FBN2: variants seen among roughly 807,000 people sequenced by gnomAD.
FBN2 encodes the protein fibrillin-2.
FBN2 carries 105 observed loss-of-function variants against 355.6 expected under a neutral mutation model. The observed-to-expected ratio is 0.30, with a 90% CI of 0.25 to 0.35. FBN2 has a LOEUF of 0.35. FBN2 is among the 10% of genes least tolerant of loss of function. The probability of loss-of-function intolerance (pLI) is 1.00; values close to 1 mark genes in which losing one functional copy is unlikely to be tolerated. For synonymous variants in FBN2, 1,350 were observed against 1,301.2 expected, an observed-to-expected ratio of 1.04 and a Z score of -0.81; for missense variants, 3,280 against 3,758.7, an observed-to-expected ratio of 0.87 and a Z score of 3.33.
chr5:128,391,033 T>A (rs895594982), intron 11 of FBN2, among the ~76,000 whole-genome samples: 2 of 152,192 alleles, frequency 1.3e-5, no homozygotes, highest in African/African-American at 4.8e-5. Context: ...TGCATCAATA[T>A]ATTTCAAATG....
chr5:128,525,710 C>A (rs1396888385), intron 4 of FBN2, among the ~76,000 whole-genome samples: 2 of 152,162 alleles, frequency 1.3e-5, no homozygotes, highest in African/African-American at 4.8e-5. Context: ...CACACCCACA[C>A]AAGGAATCTG....
chr5:128,352,495 G>A (rs1338747498), intron 20 of FBN2, among the ~76,000 whole-genome samples: 1 of 152,176 alleles, frequency 6.6e-6, no homozygotes, highest in African/African-American at 2.4e-5. Context: ...ATAATGAAAA[G>A]TTTTTCAAAT....
chr5:128,325,699 A>C (rs573666835), intron 34 of FBN2, among the ~76,000 whole-genome samples: 81 of 152,306 alleles, frequency 5.3e-4, no homozygotes, highest in African/African-American at 1.8e-3. Flanking sequence ...CTCTTCAGCA[A>C]CACCAATTAT....
chr5:128,313,722 G>A (rs9327476), intron 36 of FBN2, among the ~76,000 whole-genome samples: 11,913 of 151,396 alleles, frequency 0.079, 618 homozygotes, highest in Non-Finnish European at 0.11. Flanking sequence ...GCATGGTGGC[G>A]GGCACCTGTA....
intron 7 of FBN2, among the ~76,000 whole-genome samples, chr5:128,411,939 A>T (rs1332066210): frequency 6.6e-6 from 1 of 152,218 alleles, no homozygotes; most frequent in African/African-American, 2.4e-5. Flanking sequence ...CAGATTTGGA[A>T]GTATTATATC....
intron 34 of FBN2, among the ~76,000 whole-genome samples, chr5:128,320,299 C>T (rs1440688327): frequency 6.6e-6 from 1 of 151,798 alleles, no homozygotes; most frequent in African/African-American, 2.4e-5. Flanking sequence ...ACTGCAGCCA[C>T]AATCTCCTGG....
At chr5:128,487,450 T>C (rs1332314844) in intron 5 of FBN2, among the ~76,000 whole-genome samples, 1 of 152,218 alleles carries the variant, frequency 6.6e-6, no homozygotes, top group Non-Finnish European at 1.5e-5. Context: ...GTGAAATTTC[T>C]TACACAATCA....
intron 36 of FBN2, among the ~76,000 whole-genome samples, chr5:128,313,872 A>AAC (rs1561765843): frequency 6.6e-6 from 1 of 151,126 alleles, no homozygotes; most frequent in Non-Finnish European, 1.5e-5. Flanking sequence ...AAAAAAAAAA[A>AAC]AAAACATATC....
chr5:128,393,135 T>C lies in FBN2; in HGVS notation c.1465A>G (p.Thr489Ala). ...GTCCACAGGAAAACTGACCACTTAC[T>C]TAGTCCAGTGATGATAGGTCCCTGT... ...GGQGPIITGL[T>A]ILNQTIDICK... Residue 489 changes from threonine (T) to alanine (A), a missense_variant and splice_region_variant, in exon 10 of 65, where the codon ACA (threonine) becomes GCA (alanine). Physicochemically the swap from Thr to Ala is moderately conservative, Grantham distance 58. This residue lies in a region of FBN2 where 343 missense variants were observed against 331.0 expected (regional missense o/e 1.04). Transcript: ENST00000262464. The C allele has an allele frequency of 6.2e-7, 1 of 1,609,170 alleles. No individual in the cohort carries two copies. The highest frequency in any genetic ancestry group is 8.5e-7 in the Non-Finnish European group (1 of 1,175,444).
chr5:128,368,392 A>G (rs1202524687), intron 16 of FBN2, among the ~76,000 whole-genome samples: 1 of 149,162 alleles, frequency 6.7e-6, no homozygotes, highest in Non-Finnish European at 1.5e-5. Context: ...ATATAGAGAG[A>G]GATCTTCATA....
chr5:128,323,950 A>G (rs1488160488), intron 34 of FBN2, among the ~76,000 whole-genome samples: 2 of 152,182 alleles, frequency 1.3e-5, no homozygotes, highest in African/African-American at 4.8e-5. Flanking sequence ...GCTATTAATT[A>G]CTGGCTCAAT....
intron 48 of FBN2, among the ~76,000 whole-genome samples, chr5:128,296,272 C>T (rs1459388121): frequency 2.0e-5 from 3 of 151,734 alleles, no homozygotes; most frequent in Admixed American, 2.0e-4. Flanking sequence ...CATCAATGTT[C>T]ATCAAGGATA....
intron 18 of FBN2, among the ~76,000 whole-genome samples, chr5:128,363,294 G>A (rs1027008009): frequency 3.3e-5 from 5 of 151,950 alleles, no homozygotes; most frequent in Non-Finnish European, 5.9e-5. Context: ...GGGTTCCAGC[G>A]ATTCTCCTGC....
intron 7 of FBN2, among the ~76,000 whole-genome samples, chr5:128,436,617 TAAGAA>T (rs1753773153): frequency 2.9e-5 from 3 of 102,658 alleles, no homozygotes; most frequent in Non-Finnish European, 4.2e-5. Context: ...TTAGCACAAA[TAAGAA>T]AAAGTCAAAA....
intron 7 of FBN2, among the ~76,000 whole-genome samples, chr5:128,409,068 T>G (rs2127000568): frequency 6.6e-6 from 1 of 152,248 alleles, no homozygotes. Flanking sequence ...AAATTGGAAA[T>G]AAGTAAAGAT....
At chr5:128,273,032 T>C (rs916037378) in intron 61 of FBN2, among the ~76,000 whole-genome samples, 1 of 152,198 alleles carries the variant, frequency 6.6e-6, no homozygotes, top group Admixed American at 6.5e-5. Context: ...TAACATATAT[T>C]TCTAGAAATC....
chr5:128,271,223 A>AT (rs1250536496), intron 62 of FBN2, among the ~76,000 whole-genome samples: 1 of 152,222 alleles, frequency 6.6e-6, no homozygotes, highest in Non-Finnish European at 1.5e-5. Flanking sequence ...AACAGGAAGC[A>AT]TCCTGATATT....
chr5:128,394,808 C>G (rs1470592234), intron 9 of FBN2, among the ~76,000 whole-genome samples: 1 of 152,054 alleles, frequency 6.6e-6, no homozygotes, highest in Non-Finnish European at 1.5e-5. Context: ...ATTTTTGAGA[C>G]AGGGTCTCGC....
chr5:128,370,498 C>T (rs187561498), intron 15 of FBN2, among the ~76,000 whole-genome samples: 1 of 152,156 alleles, frequency 6.6e-6, no homozygotes, highest in Non-Finnish European at 1.5e-5. Flanking sequence ...CCAACCCCAT[C>T]CCTGAGGAGT....
Sources: gnomAD v4.1 joint callset for allele counts (sites outside exome capture counted in the v4.1 genomes callset) on GRCh38, gnomAD v4.1.1 for gene constraint, gnomAD v4.1.1 regional missense constraint, MANE v1.5 for transcripts, NCBI Gene and HGNC (gene_info 2026-07-23, HGNC 2026-07-21) for gene names.